The following COPS4 variants were observed in gnomAD, a reference collection of about 807,000 sequenced individuals.
COPS4 encodes COP9 signalosome complex subunit 4.
COPS4 carries 8 observed loss-of-function variants against 55.1 expected under a neutral mutation model. The ratio of observed to expected loss-of-function variants is 0.15; its 90% CI spans 0.09 to 0.26. The LOEUF (loss-of-function observed/expected upper bound fraction) is 0.26. COPS4 is among the 10% of genes least tolerant of loss of function. COPS4 has a pLI of 1.00. For synonymous variants in COPS4, 185 were observed against 165.7 expected, an observed-to-expected ratio of 1.12 and a Z score of -0.90; for missense variants, 248 against 484.0, an observed-to-expected ratio of 0.51 and a Z score of 4.58.
At chr4:83,063,398 T>A in intron 7 of COPS4, 152 bp downstream of exon 7, 3 of 518,038 alleles carry the variant, frequency 5.8e-6, no homozygotes, top group Non-Finnish European at 8.7e-6. Context: ...ATTTTTTTTT[T>A]AATTTATAAA....
At chr4:83,047,853 CA>C (rs1215743563) in intron 2 of COPS4, among the ~76,000 whole-genome samples, 4 of 151,684 alleles carry the variant, frequency 2.6e-5, no homozygotes, top group African/African-American at 9.7e-5. Context: ...ACAAAAAAAT[CA>C]GCTGGGCGTG....
chr4:83,058,660 T>C (rs1731075670), intron 6 of COPS4, among the ~76,000 whole-genome samples: 1 of 152,232 alleles, frequency 6.6e-6, no homozygotes, highest in Non-Finnish European at 1.5e-5. Context: ...TGGTAGCATA[T>C]ACACACTTTT....
intron 2 of COPS4, among the ~76,000 whole-genome samples, chr4:83,048,041 TTATC>T (rs1210416333): frequency 2.0e-5 from 3 of 152,114 alleles, no homozygotes; most frequent in South Asian, 2.1e-4. Context: ...CTTGAATAAT[TTATC>T]TAAGCAATAG....
At chr4:83,040,152 G>A (rs1422111764) in intron 1 of COPS4, among the ~76,000 whole-genome samples, 4 of 152,168 alleles carry the variant, frequency 2.6e-5, no homozygotes, top group African/African-American at 9.7e-5. Context: ...GAGTTTCTAA[G>A]TTGGGTTGTA....
chr4:83,042,868 G>A (rs1730602831), intron 1 of COPS4, among the ~76,000 whole-genome samples: 1 of 151,580 alleles, frequency 6.6e-6, no homozygotes, highest in Non-Finnish European at 1.5e-5. Context: ...GCCTCCCAAA[G>A]TGCTGGGATT....
intron 9 of COPS4, among the ~76,000 whole-genome samples, chr4:83,070,628 C>A (rs984985019): frequency 1.1e-4 from 16 of 152,154 alleles, no homozygotes; most frequent in Non-Finnish European, 2.1e-4. Flanking sequence ...TCATTTCTTA[C>A]TATCACCAAC....
chr4:83,059,746 G>A (rs1353535588), intron 6 of COPS4, among the ~76,000 whole-genome samples: 3 of 151,788 alleles, frequency 2.0e-5, no homozygotes, highest in African/African-American at 7.3e-5. Context: ...GCCCAGGCTG[G>A]AGTGCAGTGG....
chr4:83,054,723 G>T (rs1288189095), intron 4 of COPS4, among the ~76,000 whole-genome samples: 2 of 152,134 alleles, frequency 1.3e-5, no homozygotes, highest in Admixed American at 6.6e-5. Flanking sequence ...TATAAAATTA[G>T]ATACTGTTTT....
In COPS4 at chr4:83,037,146, A is replaced by ATC. The variant is rs753958085; in HGVS notation, c.74+1862_74+1863dup. ...ACATGCATATCTTGCTCTTGCCTGG[A>ATC]TCTCTCTCTCTCTCTGCACAGTCTC... On this transcript the variant is annotated intron_variant, in intron 1 of 9. Transcript: ENST00000264389. Among the ~76,000 whole-genome samples the ATC allele has an allele frequency of 1.8e-4, 28 of 151,542 alleles. No homozygotes were observed. In the South Asian group the frequency reaches 2.1e-3, roughly 11 times the overall value.
intron 9 of COPS4, among the ~76,000 whole-genome samples, chr4:83,071,465 C>T (rs1731429500): frequency 1.3e-5 from 2 of 152,146 alleles, no homozygotes; most frequent in African/African-American, 2.4e-5. Context: ...GTTGCCCAGG[C>T]TGAGGTGCAG....
Position 83,066,587 on chromosome 4 carries a change from G to A in COPS4, c.1002+34G>A, listed in dbSNP as rs779239971. ...TTGATTCCAATACATTTAAAAAAAA[G>A]TTAAGAGATGAAACTATTAAAATAA... On this transcript the variant is annotated intron_variant, in intron 8 of 9. Coordinates refer to ENST00000264389, the MANE Select transcript of COPS4 (RefSeq NM_016129.3). 9.0e-6 allele frequency: 9 copies of A among 995,182 alleles called. 1 individual carries two copies. The East Asian group carries it at 2.0e-4, about 22-fold the overall frequency. 61.6% of individuals were successfully genotyped at this position (995,182 alleles called of 1,614,324 possible). A position where few individuals can be genotyped will look rare whatever the true frequency, so the allele number is the denominator to read the frequency against.
chr4:83,041,705 C>T (rs905469632), intron 1 of COPS4, among the ~76,000 whole-genome samples: 8 of 150,874 alleles, frequency 5.3e-5, no homozygotes, highest in African/African-American at 2.0e-4. Context: ...TGGCCTCAAG[C>T]GATCGTCTTC....
At chr4:83,049,784 G>A (rs1330278929) in intron 3 of COPS4, 97 bp from the exon 4 acceptor site, 3 of 733,378 alleles carry the variant, frequency 4.1e-6, no homozygotes, top group East Asian at 2.6e-5. Flanking sequence ...TGGCAGCTTA[G>A]TATGTTGAAT....
intron 9 of COPS4, among the ~76,000 whole-genome samples, chr4:83,069,439 T>C (rs1731366250): frequency 1.3e-5 from 2 of 152,222 alleles, no homozygotes; most frequent in African/African-American, 4.8e-5. Flanking sequence ...CATAATCTTT[T>C]TTGTGCTGGA....
intron 4 of COPS4, among the ~76,000 whole-genome samples, chr4:83,051,529 G>T (rs1730889961): frequency 6.6e-6 from 1 of 152,182 alleles, no homozygotes; most frequent in South Asian, 2.1e-4. Flanking sequence ...CTGATGGCTT[G>T]TATGTAGAGT....
Position 83,058,409 on chromosome 4 carries a change from G to A in COPS4, c.715+1001G>A, listed in dbSNP as rs114991180. On this transcript the variant is annotated intron_variant, in intron 6 of 9. Coordinates refer to ENST00000264389, the MANE Select transcript of COPS4 (RefSeq NM_016129.3). Reference sequence around the variant, plus strand: ...ATTTTTTTGTATTTTTCTAGAGATGGGGTTTCTCCATATTGCCCAGTCTGG... The same window carrying A: ...ATTTTTTTGTATTTTTCTAGAGATGAGGTTTCTCCATATTGCCCAGTCTGG... Among the ~76,000 whole-genome samples the A allele has an allele frequency of 8.3e-3, 1,266 of 152,042 alleles. 16 individuals carry two copies. The highest frequency in any genetic ancestry group is 0.028 in the African/African-American group (1,175 of 41,478).
chr4:83,052,935 C>T (rs969485541), intron 4 of COPS4, among the ~76,000 whole-genome samples: 6 of 152,144 alleles, frequency 3.9e-5, no homozygotes, highest in African/African-American at 1.4e-4. Context: ...TCAGCTGGAA[C>T]GGTGGATGGG....
At chr4:83,046,281 TAAC>T (rs777962629) in intron 2 of COPS4, among the ~76,000 whole-genome samples, 3 of 152,204 alleles carry the variant, frequency 2.0e-5, no homozygotes, top group Admixed American at 1.3e-4. Flanking sequence ...AGTAAAAAAA[TAAC>T]AAATTCTGGT....
At chr4:83,069,205 A>G (rs1303154417) in intron 9 of COPS4, among the ~76,000 whole-genome samples, 1 of 152,140 alleles carries the variant, frequency 6.6e-6, no homozygotes, top group Non-Finnish European at 1.5e-5. Flanking sequence ...TCATTGTCTA[A>G]TACCTTCCCA....
Sources: gnomAD v4.1 joint callset for allele counts (sites outside exome capture counted in the v4.1 genomes callset) on GRCh38, gnomAD v4.1.1 for gene constraint, MANE v1.5 for transcripts, NCBI Gene and HGNC (gene_info 2026-07-23, HGNC 2026-07-21) for gene names.